ROBO2: variants seen among roughly 807,000 people sequenced by gnomAD.
The protein encoded by ROBO2 is roundabout guidance receptor 2.
A neutral mutation model predicts 160.8 loss-of-function variants in ROBO2; 53 were observed. The observed-to-expected ratio is 0.33, with a 90% CI of 0.26 to 0.41. The LOEUF (loss-of-function observed/expected upper bound fraction) is 0.41. Ranked by LOEUF, ROBO2 falls within the 10% of genes least tolerant of loss-of-function variation. The pLI, the probability that ROBO2 is intolerant of heterozygous loss-of-function variation, is 1.00. For synonymous variants in ROBO2, 664 were observed against 611.7 expected, an observed-to-expected ratio of 1.09 and a Z score of -1.26; for missense variants, 1,577 against 1,722.4, an observed-to-expected ratio of 0.92 and a Z score of 1.49.
At chr3:76,252,300 A>G (rs35158631) in intron 2 of ROBO2, among the ~76,000 whole-genome samples, 6,162 of 152,076 alleles carry the variant, frequency 0.041, 358 homozygotes, top group African/African-American at 0.12. Flanking sequence ...TTCATTTCCA[A>G]ATGATCAACC....
intron 7 of ROBO2, among the ~76,000 whole-genome samples, chr3:77,546,891 C>T (rs1487575633): frequency 1.3e-5 from 2 of 152,056 alleles, no homozygotes; most frequent in African/African-American, 4.8e-5. Flanking sequence ...GAATTTCAAT[C>T]CTCTCTCTTA....
At chr3:76,059,464 A>C (rs201138350) in intron 2 of ROBO2, among the ~76,000 whole-genome samples, 1 of 151,996 alleles carries the variant, frequency 6.6e-6, no homozygotes, top group Non-Finnish European at 1.5e-5. Flanking sequence ...AGAAGTGTCT[A>C]TTCATATACT....
At position 77,027,692 on chromosome 3, in the gene ROBO2, G is replaced by A. The variant is rs570909114; in HGVS notation, c.110-70322G>A. On this transcript the variant is annotated intron_variant, in intron 2 of 26. Coordinates refer to the ROBO2 transcript ENST00000487694. ...AGCACTGAAAGCCAGCTGTCGGACC[G>A]TGGAGGGTCCAATTCAGAACTCTAG... Among the ~76,000 whole-genome samples the A allele has an allele frequency of 3.3e-5, 5 of 152,206 alleles. No homozygotes were observed. The East Asian group carries it at 7.8e-4, about 24-fold the overall frequency.
chr3:77,447,273 T>G (rs2080629604), intron 2 of ROBO2, among the ~76,000 whole-genome samples: 1 of 152,048 alleles, frequency 6.6e-6, no homozygotes, highest in Admixed American at 6.6e-5. Context: ...TCACTAATAT[T>G]TTGGATACAA....
intron 2 of ROBO2, among the ~76,000 whole-genome samples, chr3:77,146,289 GA>G (rs1460462466): frequency 6.6e-6 from 1 of 152,160 alleles, no homozygotes; most frequent in African/African-American, 2.4e-5. Flanking sequence ...AGGGTGGAGA[GA>G]GGGAGGAAGG....
chr3:76,398,456 C>T (rs967635363), intron 2 of ROBO2, among the ~76,000 whole-genome samples: 2 of 151,468 alleles, frequency 1.3e-5, no homozygotes, highest in African/African-American at 4.9e-5. Flanking sequence ...GCACATATAC[C>T]CTAAAACTTA....
intron 2 of ROBO2, among the ~76,000 whole-genome samples, chr3:76,966,144 A>G (rs935096828): frequency 7.9e-5 from 12 of 151,014 alleles, no homozygotes; most frequent in Admixed American, 2.6e-4. Context: ...CTGGTCTCGA[A>G]CTCCCAGCCT....
chr3:77,407,931 T>A (rs1270369661), intron 2 of ROBO2, among the ~76,000 whole-genome samples: 1 of 152,206 alleles, frequency 6.6e-6, no homozygotes, highest in Non-Finnish European at 1.5e-5. Context: ...TACGTGTTAC[T>A]AACAGATTTA....
chr3:76,049,403 A>ATATATATATTTTTTTTTT (rs1414664360), intron 2 of ROBO2, among the ~76,000 whole-genome samples: 1 of 53,762 alleles, frequency 1.9e-5, no homozygotes. Flanking sequence ...ATATATATAT[A>ATATATATATTTTTTTTTT]TTTTTTTTTT....
intron 2 of ROBO2, among the ~76,000 whole-genome samples, chr3:75,961,417 T>A (rs1402208988): frequency 1.3e-5 from 2 of 151,752 alleles, no homozygotes; most frequent in Non-Finnish European, 3.0e-5. Flanking sequence ...GATACATTGC[T>A]AAGGAGTAAT....
At chr3:77,091,616 A>G (rs1215572263) in intron 1 of ROBO2, among the ~76,000 whole-genome samples, 1 of 152,058 alleles carries the variant, frequency 6.6e-6, no homozygotes, top group Admixed American at 6.6e-5. Flanking sequence ...TCTGGTAAGC[A>G]TGGAAAAAAT....
chr3:76,894,309 A>G (rs956693539), intron 2 of ROBO2, among the ~76,000 whole-genome samples: 1 of 152,104 alleles, frequency 6.6e-6, no homozygotes, highest in East Asian at 1.9e-4. Flanking sequence ...ATTATCAATC[A>G]TGTTGGTATT....
At chr3:76,415,789 A>G (rs747023120) in intron 2 of ROBO2, among the ~76,000 whole-genome samples, 6 of 152,232 alleles carry the variant, frequency 3.9e-5, no homozygotes, top group Non-Finnish European at 7.3e-5. Context: ...TGACCCACTT[A>G]TAAAAAAATG....
Position 77,228,483 on chromosome 3 carries a change from GTTGT to G in ROBO2, c.388+130150_388+130153del, listed in dbSNP as rs576746041. On this transcript the variant is annotated intron_variant, in intron 2 of 25. Transcript: ENST00000461745. ...ATTACTTTGCCCACTTTTTGATGTGGTTGTTTGTTTTTTTCTTGTAAATTTGTTT... is the reference window on the plus strand; with the variant it reads ...ATTACTTTGCCCACTTTTTGATGTGGTTGTTTTTTTCTTGTAAATTTGTTT... 3.9e-3 allele frequency among the ~76,000 whole-genome samples: 593 copies of G among 151,258 alleles called. 1 individual carries two copies. Among genetic ancestry groups the G allele is most frequent in the African/African-American group, 0.012 (477 of 41,168 alleles).
chr3:76,261,462 C>T (rs1398818263), intron 2 of ROBO2, among the ~76,000 whole-genome samples: 6 of 151,808 alleles, frequency 4.0e-5, no homozygotes, highest in African/African-American at 9.7e-5. Flanking sequence ...TATACTTGCT[C>T]TCAGAGTTTA....
chr3:76,302,819 A>G (rs1709431196), intron 2 of ROBO2, among the ~76,000 whole-genome samples: 1 of 152,102 alleles, frequency 6.6e-6, no homozygotes, highest in Non-Finnish European at 1.5e-5. Context: ...GTCTCAGAAA[A>G]TATCTAAGCA....
intron 2 of ROBO2, among the ~76,000 whole-genome samples, chr3:76,914,241 A>G (rs1457706162): frequency 6.6e-6 from 1 of 152,150 alleles, no homozygotes; most frequent in African/African-American, 2.4e-5. Context: ...GATTAAATAG[A>G]TTGCACACAT....
intron 2 of ROBO2, among the ~76,000 whole-genome samples, chr3:77,192,468 T>A (rs2081943805): frequency 6.6e-6 from 1 of 152,132 alleles, no homozygotes; most frequent in South Asian, 2.1e-4. Context: ...TTGGTCATCA[T>A]TGGAATGTTA....
At chr3:76,799,483 T>C (rs957890137) in intron 2 of ROBO2, among the ~76,000 whole-genome samples, 3 of 149,160 alleles carry the variant, frequency 2.0e-5, no homozygotes, top group South Asian at 2.1e-4. Context: ...ACCTAAAGAC[T>C]TCACAAAAAT....
Sources: allele counts gnomAD v4.1 joint callset (sites outside exome capture counted in the v4.1 genomes callset), GRCh38; gene constraint gnomAD v4.1.1; transcripts MANE v1.5; gene names NCBI Gene and HGNC (gene_info 2026-07-23, HGNC 2026-07-21).